The following SYT9 variants were observed in gnomAD, a reference collection of about 807,000 sequenced individuals.
The protein encoded by SYT9 is synaptotagmin-9.
Under a neutral mutation model 48.4 loss-of-function variants are expected in SYT9, and 22 were observed. That is an observed-to-expected ratio of 0.45 (90% CI 0.32 to 0.65). SYT9 has a LOEUF of 0.65. Among genes scored for constraint, SYT9 ranks in the 30% least tolerant of loss-of-function variants. The pLI, the probability that SYT9 is intolerant of heterozygous loss-of-function variation, is 0.03. For missense variants in SYT9, 577 were observed against 622.0 expected, an observed-to-expected ratio of 0.93 and a Z score of 0.77; for synonymous variants, 265 against 245.0, an observed-to-expected ratio of 1.08 and a Z score of -0.76.
intron 6 of SYT9, among the ~76,000 whole-genome samples, chr11:7,463,301 C>T (rs1848266037): frequency 6.6e-6 from 1 of 152,218 alleles, no homozygotes; most frequent in Non-Finnish European, 1.5e-5. Flanking sequence ...ACCTTCCTCT[C>T]AACAAAATCC....
chr11:7,398,558 T>C (rs965354800), intron 3 of SYT9, among the ~76,000 whole-genome samples: 8 of 151,984 alleles, frequency 5.3e-5, no homozygotes, highest in Admixed American at 3.3e-4. Flanking sequence ...TACAGGCACC[T>C]GCCACCACGC....
At chr11:7,465,305 G>A (rs12284581) in intron 6 of SYT9, among the ~76,000 whole-genome samples, 5 of 152,130 alleles carry the variant, frequency 3.3e-5, no homozygotes, top group Non-Finnish European at 7.4e-5. Flanking sequence ...CCTTTGCAGT[G>A]AACACACTGG....
chr11:7,292,342 T>C (rs1206777712), intron 1 of SYT9, among the ~76,000 whole-genome samples: 1 of 152,172 alleles, frequency 6.6e-6, no homozygotes, highest in East Asian at 1.9e-4. Context: ...AGTGCCAAGC[T>C]TAAAAAGAAT....
At chr11:7,267,659 A>G (rs1848211200) in intron 1 of SYT9, among the ~76,000 whole-genome samples, 1 of 151,920 alleles carries the variant, frequency 6.6e-6, no homozygotes, top group South Asian at 2.1e-4. Flanking sequence ...AATGCATTGA[A>G]GTTAAGAGCC....
At chr11:7,444,916 T>G (rs902418533) in intron 6 of SYT9, among the ~76,000 whole-genome samples, 2 of 152,206 alleles carry the variant, frequency 1.3e-5, no homozygotes, top group Admixed American at 1.3e-4. Context: ...CTGCTGGGAT[T>G]CTGCTAGGGC....
intron 6 of SYT9, among the ~76,000 whole-genome samples, chr11:7,429,485 C>G (rs980579022): frequency 4.6e-5 from 7 of 152,222 alleles, no homozygotes; most frequent in African/African-American, 1.7e-4. Context: ...GCTCCTAAAT[C>G]AAACCTCTCC....
chr11:7,294,579 G>A (rs146571986), intron 1 of SYT9, among the ~76,000 whole-genome samples: 34 of 152,290 alleles, frequency 2.2e-4, no homozygotes, highest in Admixed American at 3.9e-4. Flanking sequence ...GAAGAAAGAG[G>A]TAACAGGTCC....
intron 3 of SYT9, among the ~76,000 whole-genome samples, chr11:7,357,745 A>T (rs1850049199): frequency 6.6e-6 from 1 of 152,144 alleles, no homozygotes; most frequent in South Asian, 2.1e-4. Flanking sequence ...TGGATTGATT[A>T]TTCTTAGCCC....
intron 1 of SYT9, among the ~76,000 whole-genome samples, chr11:7,255,198 A>T (rs1229005198): frequency 6.6e-6 from 1 of 152,210 alleles, no homozygotes; most frequent in Non-Finnish European, 1.5e-5. Flanking sequence ...TGCAGGCCTC[A>T]GAGACTAGCC....
At chr11:7,363,902 C>T (rs981240605) in intron 3 of SYT9, among the ~76,000 whole-genome samples, 51 of 152,024 alleles carry the variant, frequency 3.4e-4, no homozygotes, top group African/African-American at 1.2e-3. Context: ...AGGAACAAGT[C>T]AAAGATATGG....
intron 1 of SYT9, among the ~76,000 whole-genome samples, chr11:7,264,591 G>A (rs151110158): frequency 6.6e-6 from 1 of 152,056 alleles, no homozygotes; most frequent in South Asian, 2.1e-4. Flanking sequence ...TCCTGGAGGG[G>A]TGGAATGCTT....
At chr11:7,406,272 T>C (rs1414317104) in intron 3 of SYT9, among the ~76,000 whole-genome samples, 1 of 151,998 alleles carries the variant, frequency 6.6e-6, no homozygotes, top group Non-Finnish European at 1.5e-5. Context: ...TATTCTTCTA[T>C]CAAACTGTAT....
intron 5 of SYT9, among the ~76,000 whole-genome samples, chr11:7,419,725 C>T (rs979611779): frequency 3.9e-5 from 6 of 152,048 alleles, no homozygotes; most frequent in Non-Finnish European, 7.4e-5. Flanking sequence ...GGTGAAACCC[C>T]GCCTCAACTA....
intron 3 of SYT9, among the ~76,000 whole-genome samples, chr11:7,317,062 A>T (rs1160533807): frequency 6.6e-6 from 1 of 152,116 alleles, no homozygotes; most frequent in Non-Finnish European, 1.5e-5. Flanking sequence ...CTGTCTTTGT[A>T]TTCACTTTAT....
intron 3 of SYT9, among the ~76,000 whole-genome samples, chr11:7,381,221 A>G (rs985338128): frequency 1.5e-4 from 23 of 152,186 alleles, no homozygotes; most frequent in African/African-American, 5.5e-4. Flanking sequence ...TGTGCCTACA[A>G]CAGCTCCCTA....
chr11:7,352,023 G>T (rs1849926341), intron 3 of SYT9, among the ~76,000 whole-genome samples: 1 of 152,194 alleles, frequency 6.6e-6, no homozygotes, highest in Non-Finnish European at 1.5e-5. Flanking sequence ...TGCAGGTCTA[G>T]GTCTGAGGAT....
intron 6 of SYT9, among the ~76,000 whole-genome samples, chr11:7,445,720 T>C (rs916288662): frequency 1.3e-5 from 2 of 152,342 alleles, no homozygotes; most frequent in Admixed American, 1.3e-4. Flanking sequence ...CCCACAGGGA[T>C]GCAACTGCTT....
At chr11:7,345,898 C>G (rs1187598253) in intron 3 of SYT9, among the ~76,000 whole-genome samples, 1 of 152,168 alleles carries the variant, frequency 6.6e-6, no homozygotes, top group Non-Finnish European at 1.5e-5. Flanking sequence ...AGACCTTAAT[C>G]TGAGCAGAGA....
At chr11:7,267,848 G>A (rs1002057914) in intron 1 of SYT9, among the ~76,000 whole-genome samples, 1 of 151,738 alleles carries the variant, frequency 6.6e-6, no homozygotes, top group African/African-American at 2.4e-5. Context: ...GTGCTATTCT[G>A]ATCAAGGAAA....
Sources: gnomAD v4.1 joint callset for allele counts (sites outside exome capture counted in the v4.1 genomes callset) on GRCh38, gnomAD v4.1.1 for gene constraint, MANE v1.5 for transcripts, NCBI Gene and HGNC (gene_info 2026-07-23, HGNC 2026-07-21) for gene names.